PCDH15: variants seen among roughly 807,000 people sequenced by gnomAD.
PCDH15 encodes the protein protocadherin-15.
PCDH15 carries 129 observed loss-of-function variants against 178.5 expected under a neutral mutation model. The ratio of observed to expected loss-of-function variants is 0.72; its 90% CI spans 0.63 to 0.84. The LOEUF is 0.84. PCDH15 is among the 40% of genes least tolerant of loss of function. The pLI is 0.00. For synonymous variants in PCDH15, 800 were observed against 732.0 expected, an observed-to-expected ratio of 1.09 and a Z score of -1.50; for missense variants, 2,230 against 2,099.9, an observed-to-expected ratio of 1.06 and a Z score of -1.21.
At chr10:54,176,206 A>C (rs918813946) in intron 13 of PCDH15, among the ~76,000 whole-genome samples, 2 of 152,178 alleles carry the variant, frequency 1.3e-5, no homozygotes, top group African/African-American at 4.8e-5. Context: ...GTAAGTCATT[A>C]TACTGACCAC....
In PCDH15 at chr10:55,600,075, G is replaced by A. The variant is rs1843039104; in HGVS notation, c.-156+27550C>T. 3.9e-6 allele frequency: 3 copies of A among 777,418 alleles called. No homozygotes were observed. In the East Asian group the frequency reaches 1.0e-4, roughly 26 times the overall value. 48.2% of individuals were successfully genotyped at this position (777,418 alleles called of 1,614,324 possible). On this transcript the variant is annotated intron_variant, in intron 2 of 5. Transcript: ENST00000613346. ...TATCATCCCTGCATTAAAAATTTTGGTTGGGGTGGCCGGGCACAGTGGCTC... is the reference window on the plus strand; with the variant it reads ...TATCATCCCTGCATTAAAAATTTTGATTGGGGTGGCCGGGCACAGTGGCTC...
chr10:54,212,318 G>T (rs996208130), intron 10 of PCDH15, among the ~76,000 whole-genome samples: 1 of 152,030 alleles, frequency 6.6e-6, no homozygotes, highest in Non-Finnish European at 1.5e-5. Context: ...TTAAAGTGGT[G>T]TTTTTTGTTG....
intron 9 of PCDH15, among the ~76,000 whole-genome samples, chr10:54,233,065 T>C (rs958940617): frequency 2.6e-5 from 4 of 151,686 alleles, no homozygotes; most frequent in Non-Finnish European, 4.4e-5. Flanking sequence ...CACCTTAGCC[T>C]CCTGAGTAGC....
chr10:54,183,384 C>A, intron 13 of PCDH15, 60 bp downstream of exon 13: 1 of 1,436,644 alleles, frequency 7.0e-7, no homozygotes, highest in Non-Finnish European at 9.8e-7. Context: ...ATGAGCATAT[C>A]GTATAATGCA....
In PCDH15 at chr10:55,508,369, T is replaced by C. The variant is rs78261292; in HGVS notation, c.-156+119256A>G. On this transcript the variant is annotated intron_variant, in intron 2 of 5. Transcript: ENST00000613346. ...CACAAGAATCCTATGTGGCTATCAA[T>C]TGAAATCAGTACAGATTTCACTTCG... 1.9e-3 allele frequency among the ~76,000 whole-genome samples: 289 copies of C among 151,864 alleles called. 3 individuals are homozygous for C. In the East Asian group the frequency reaches 0.046, roughly 24 times the overall value.
intron 20 of PCDH15, among the ~76,000 whole-genome samples, chr10:54,003,861 C>T (rs1316894755): frequency 6.6e-6 from 1 of 151,606 alleles, no homozygotes; most frequent in Non-Finnish European, 1.5e-5. Flanking sequence ...TAGGCAATCT[C>T]CTTGATGAAT....
At chr10:54,294,549 G>A (rs1248800662) in intron 8 of PCDH15, among the ~76,000 whole-genome samples, 1 of 152,094 alleles carries the variant, frequency 6.6e-6, no homozygotes, top group Admixed American at 6.6e-5. Flanking sequence ...GATGCCAAAA[G>A]ATAAAAATCT....
intron 8 of PCDH15, among the ~76,000 whole-genome samples, chr10:54,255,897 C>T (rs2056859244): frequency 6.6e-6 from 1 of 152,092 alleles, no homozygotes; most frequent in Non-Finnish European, 1.5e-5. Flanking sequence ...GAAAAAGACG[C>T]CTCAGCATAG....
At chr10:54,922,000 T>C (rs1248641705) in intron 2 of PCDH15, among the ~76,000 whole-genome samples, 1 of 152,132 alleles carries the variant, frequency 6.6e-6, no homozygotes, top group Non-Finnish European at 1.5e-5. Context: ...CTCACTATCA[T>C]GAGATGAGCA....
intron 26 of PCDH15, among the ~76,000 whole-genome samples, chr10:53,870,042 G>A (rs982386896): frequency 6.6e-6 from 1 of 152,136 alleles, no homozygotes; most frequent in East Asian, 1.9e-4. Flanking sequence ...AAAAGAAAAG[G>A]TGGTTACCAT....
At chr10:55,307,524 A>G (rs1843461232) in intron 1 of PCDH15, among the ~76,000 whole-genome samples, 1 of 151,736 alleles carries the variant, frequency 6.6e-6, no homozygotes. Context: ...AAAAAAAATT[A>G]TATTTTCTTT....
intron 3 of PCDH15, among the ~76,000 whole-genome samples, chr10:54,392,871 T>A (rs1950727711): frequency 1.4e-5 from 2 of 145,176 alleles, no homozygotes; most frequent in Non-Finnish European, 3.0e-5. Context: ...TGAACTCCAG[T>A]CTGGGCGACA....
At chr10:55,049,380 G>A (rs1591858951) in intron 2 of PCDH15, among the ~76,000 whole-genome samples, 1 of 151,400 alleles carries the variant, frequency 6.6e-6, no homozygotes, top group Non-Finnish European at 1.5e-5. Flanking sequence ...TTTCCTTCTC[G>A]GAAATGCAGT....
chr10:54,281,005 GTATA>G (rs1400722673), intron 8 of PCDH15, among the ~76,000 whole-genome samples: 1 of 151,672 alleles, frequency 6.6e-6, no homozygotes, highest in Non-Finnish European at 1.5e-5. Context: ...ATGTGTGTAT[GTATA>G]TATACACAGA....
At chr10:54,965,557 C>A (rs369675297) in intron 2 of PCDH15, among the ~76,000 whole-genome samples, 16 of 150,806 alleles carry the variant, frequency 1.1e-4, no homozygotes, top group East Asian at 9.8e-4. Flanking sequence ...TTCTTCATAA[C>A]AGTATGAAAA....
chr10:54,531,335 C>G (rs944744024), intron 2 of PCDH15, among the ~76,000 whole-genome samples: 2 of 152,098 alleles, frequency 1.3e-5, no homozygotes, highest in African/African-American at 4.8e-5. Flanking sequence ...CTCAGTGTGG[C>G]TTATTTCTGC....
chr10:53,852,842 T>C (rs757634787), intron 28 of PCDH15, among the ~76,000 whole-genome samples: 12 of 152,098 alleles, frequency 7.9e-5, no homozygotes, highest in Non-Finnish European at 1.6e-4. Flanking sequence ...GCTTTGATGA[T>C]AACTAACTTG....
chr10:54,129,786 C>T (rs188106963), intron 15 of PCDH15, among the ~76,000 whole-genome samples: 5 of 152,140 alleles, frequency 3.3e-5, no homozygotes, highest in African/African-American at 9.6e-5. Context: ...AAAAGGTTGG[C>T]TCTCCAAATA....
chr10:54,247,478 G>A (rs1378194341), intron 8 of PCDH15, among the ~76,000 whole-genome samples: 1 of 151,766 alleles, frequency 6.6e-6, no homozygotes, highest in Non-Finnish European at 1.5e-5. Context: ...AATTTCTGTA[G>A]GACATCTAAA....
Sources: allele counts gnomAD v4.1 joint callset (sites outside exome capture counted in the v4.1 genomes callset), GRCh38; gene constraint gnomAD v4.1.1; transcripts MANE v1.5; gene names NCBI Gene and HGNC (gene_info 2026-07-23, HGNC 2026-07-21).